Variants in FBN1 observed in about 807,000 individuals in gnomAD.
FBN1 encodes fibrillin-1.
A neutral mutation model predicts 365.1 loss-of-function variants in FBN1; 29 were observed. The observed-to-expected ratio is 0.08, with a 90% confidence interval of 0.06 to 0.11. The LOEUF (loss-of-function observed/expected upper bound fraction) is 0.11, where lower values mean the gene tolerates loss of function less well. Ranked by LOEUF, FBN1 falls within the 10% of genes least tolerant of loss-of-function variation. FBN1 has a pLI of 1.00. For synonymous variants in FBN1, 1,210 were observed against 1,270.5 expected, an observed-to-expected ratio of 0.95 and a Z score of 1.01; for missense variants, 2,476 against 3,703.2, an observed-to-expected ratio of 0.67 and a Z score of 8.60.
At chr15:48,424,169 G>A (rs2042962119) in intron 60 of FBN1, among the ~76,000 whole-genome samples, 1 of 152,188 alleles carries the variant, frequency 6.6e-6, no homozygotes, top group Non-Finnish European at 1.5e-5. Flanking sequence ...GAAGAACAAA[G>A]CTATGAGCGA....
At chr15:48,633,611 G>A (rs1376407697) in intron 2 of FBN1, among the ~76,000 whole-genome samples, 2 of 152,156 alleles carry the variant, frequency 1.3e-5, no homozygotes, top group Admixed American at 1.3e-4. Context: ...TTCCCACTGA[G>A]AGCAGGGTAG....
chr15:48,419,063 A>T (rs1257835382), intron 63 of FBN1, among the ~76,000 whole-genome samples: 2 of 152,134 alleles, frequency 1.3e-5, no homozygotes, highest in East Asian at 3.9e-4. Flanking sequence ...GGTCTAAGAG[A>T]TCTGCTCTGT....
intron 6 of FBN1, among the ~76,000 whole-genome samples, chr15:48,552,179 T>G (rs1219094743): frequency 6.6e-6 from 1 of 152,240 alleles, no homozygotes; most frequent in Non-Finnish European, 1.5e-5. Flanking sequence ...ATTTTTTGAC[T>G]TTTTAATAGC....
In FBN1 at chr15:48,474,251, A is replaced by G. The variant is rs1413544374; in HGVS notation, c.4210+4T>C. 12 of 1,613,992 alleles carry G rather than the reference A, an allele frequency of 7.4e-6. No individual in the cohort carries two copies. The highest frequency in any genetic ancestry group is 9.3e-6 in the Non-Finnish European group (11 of 1,179,988). On this transcript the variant is annotated splice_donor_region_variant and intron_variant, in intron 34 of 65. Coordinates refer to ENST00000316623, the MANE Select transcript of FBN1 (RefSeq NM_000138.5). ...TGACACAGTTGTTTCCAGCGTGAAC[A>G]TACCTGTACAAGTGAAGCCATCACC...
intron 7 of FBN1, among the ~76,000 whole-genome samples, chr15:48,537,342 C>A (rs1331898795): frequency 6.6e-6 from 1 of 152,148 alleles, no homozygotes; most frequent in Non-Finnish European, 1.5e-5. Context: ...TCGCTGTAAA[C>A]AGAATCACAC....
intron 2 of FBN1, among the ~76,000 whole-genome samples, chr15:48,616,562 G>GA (rs974991387): frequency 1.3e-5 from 2 of 152,182 alleles, no homozygotes; most frequent in African/African-American, 4.8e-5. Context: ...AGACATGCTG[G>GA]ATTATTTCCA....
chr15:48,560,558 T>C (rs77504085), intron 6 of FBN1, among the ~76,000 whole-genome samples: 2,715 of 152,274 alleles, frequency 0.018, 57 homozygotes, highest in East Asian at 0.085. Flanking sequence ...GTTTGTGCTA[T>C]GTGATATGAG....
At chr15:48,501,055 T>G (rs2043651042) in intron 17 of FBN1, among the ~76,000 whole-genome samples, 1 of 152,220 alleles carries the variant, frequency 6.6e-6, no homozygotes, top group South Asian at 2.1e-4. Context: ...CTTCCATGTG[T>G]GGACCCTTTT....
intron 4 of FBN1, among the ~76,000 whole-genome samples, chr15:48,604,435 A>G (rs995778294): frequency 7.2e-5 from 11 of 152,206 alleles, no homozygotes; most frequent in African/African-American, 2.7e-4. Flanking sequence ...GGATAAAAAC[A>G]ATTTTCATTT....
chr15:48,532,377 T>C (rs747334606), intron 8 of FBN1, among the ~76,000 whole-genome samples: 23 of 150,968 alleles, frequency 1.5e-4, no homozygotes, highest in Non-Finnish European at 2.8e-4. Flanking sequence ...AGGTTTTGCA[T>C]GTGATAAACT....
chr15:48,564,428 G>A (rs1408332092), intron 6 of FBN1, among the ~76,000 whole-genome samples: 1 of 152,038 alleles, frequency 6.6e-6, no homozygotes, highest in East Asian at 1.9e-4. Context: ...TGGGGTCACA[G>A]AAAAGACACT....
intron 4 of FBN1, among the ~76,000 whole-genome samples, chr15:48,601,271 C>T (rs2044564575): frequency 6.6e-6 from 1 of 152,164 alleles, no homozygotes; most frequent in Admixed American, 6.5e-5. Context: ...CTCATTTCTC[C>T]AGTGTTCAGG....
At chr15:48,626,728 A>G (rs1889890025) in intron 2 of FBN1, among the ~76,000 whole-genome samples, 1 of 152,184 alleles carries the variant, frequency 6.6e-6, no homozygotes, top group South Asian at 2.1e-4. Context: ...TAATTTTGAA[A>G]TTGAAACAAA....
At chr15:48,516,719 T>A (rs1280651723) in intron 10 of FBN1, among the ~76,000 whole-genome samples, 2 of 152,152 alleles carry the variant, frequency 1.3e-5, no homozygotes, top group Non-Finnish European at 2.9e-5. Flanking sequence ...AAATTTGAAT[T>A]TTATTTTATG....
chr15:48,448,031 G>A (rs1439108706), intron 46 of FBN1, among the ~76,000 whole-genome samples: 1 of 152,112 alleles, frequency 6.6e-6, no homozygotes, highest in African/African-American at 2.4e-5. Context: ...GATGAGTAGG[G>A]CTGTCAGTGC....
At chr15:48,474,447 A>C (rs1238484466) in intron 33 of FBN1, 70 bp from the exon 34 acceptor site, 6 of 1,611,460 alleles carry the variant, frequency 3.7e-6, no homozygotes, top group Non-Finnish European at 5.1e-6. Flanking sequence ...CACAAATTAA[A>C]ATAACTTTAC....
intron 60 of FBN1, 148 bp from the exon 61 acceptor site, chr15:48,422,216 CA>C (rs2042949518): frequency 2.9e-6 from 2 of 691,074 alleles, no homozygotes; most frequent in Non-Finnish European, 5.3e-6. Context: ...AGGAGAGACA[CA>C]GGGGGTAAAG....
intron 17 of FBN1, among the ~76,000 whole-genome samples, chr15:48,499,787 C>T (rs1231409054): frequency 6.6e-6 from 1 of 152,148 alleles, no homozygotes; most frequent in Non-Finnish European, 1.5e-5. Flanking sequence ...TAACTGGAAT[C>T]ACACTATCCA....
Position 48,547,721 on chromosome 15 carries a change from TCACACACACACACACACACACACACACA to T in FBN1, c.539-9941_539-9914del, listed in dbSNP as rs57915350. ...AGGTTGTTTGTATATCTTCTCTCTTTCACACACACACACACACACACACACACACACACACACACACACACACACACAC... is the reference window on the plus strand; with the variant it reads ...AGGTTGTTTGTATATCTTCTCTCTTTCACACACACACACACACACACACAC... On this transcript the variant is annotated intron_variant, in intron 6 of 65. Coordinates refer to ENST00000316623, the MANE Select transcript of FBN1 (RefSeq NM_000138.5). 3.2e-3 allele frequency among the ~76,000 whole-genome samples: 423 copies of T among 131,228 alleles called. 2 individuals are homozygous for T. The highest frequency in any genetic ancestry group is 0.012 in the African/African-American group (415 of 35,506). 86.1% of individuals were successfully genotyped at this position (131,228 alleles called of 152,430 possible).
Sources: gnomAD v4.1 joint callset for allele counts (sites outside exome capture counted in the v4.1 genomes callset) on GRCh38, gnomAD v4.1.1 for gene constraint, MANE v1.5 for transcripts, NCBI Gene and HGNC (gene_info 2026-07-23, HGNC 2026-07-21) for gene names.